The following TRIM37 variants were observed in gnomAD, a reference collection of about 807,000 sequenced individuals.
The protein encoded by TRIM37 is E3 ubiquitin-protein ligase TRIM37.
In TRIM37, 80 loss-of-function variants were observed where a neutral mutation model predicts 129.8. The ratio of observed to expected loss-of-function variants is 0.62; its 90% CI spans 0.51 to 0.74. The LOEUF (loss-of-function observed/expected upper bound fraction) is 0.74, where lower values mean the gene tolerates loss of function less well. Ranked by LOEUF, TRIM37 falls within the 30% of genes least tolerant of loss-of-function variation. The probability of loss-of-function intolerance (pLI) is 0.00; values close to 1 mark genes in which losing one functional copy is unlikely to be tolerated. For missense variants in TRIM37, 1,054 were observed against 1,176.5 expected, an observed-to-expected ratio of 0.90 and a Z score of 1.52; for synonymous variants, 389 against 387.1, an observed-to-expected ratio of 1.00 and a Z score of -0.06.
intron 22 of TRIM37, among the ~76,000 whole-genome samples, chr17:59,005,137 C>T (rs533395752): frequency 6.6e-5 from 10 of 152,158 alleles, no homozygotes; most frequent in Non-Finnish European, 1.2e-4. Flanking sequence ...CAAATTTGAC[C>T]TCTTATTAGT....
chr17:59,063,080 G>T (rs1186346419), intron 10 of TRIM37, among the ~76,000 whole-genome samples: 1 of 151,446 alleles, frequency 6.6e-6, no homozygotes. Context: ...ATACGTGTGG[G>T]AAAAACCTCA....
intron 8 of TRIM37, among the ~76,000 whole-genome samples, chr17:59,074,801 A>C (rs2042667764): frequency 6.6e-6 from 1 of 152,218 alleles, no homozygotes; most frequent in African/African-American, 2.4e-5. Flanking sequence ...TTTATGCAAC[A>C]CTACATATTT....
At chr17:59,043,722 A>G (rs2039490991) in intron 16 of TRIM37, among the ~76,000 whole-genome samples, 1 of 152,154 alleles carries the variant, frequency 6.6e-6, no homozygotes, top group African/African-American at 2.4e-5. Flanking sequence ...TCCCTGCCCC[A>G]GCTTATTCAT....
At chr17:59,065,736 A>G (rs142007003) in intron 9 of TRIM37, among the ~76,000 whole-genome samples, 1 of 152,368 alleles carries the variant, frequency 6.6e-6, no homozygotes, top group East Asian at 1.9e-4. Flanking sequence ...CTAAAGTTCA[A>G]TTCATCATAA....
rs567544356 is a variant in TRIM37 at position 59,104,195 on chromosome 17, T to C, written c.123+98A>G. The C allele has an allele frequency of 9.2e-4, 1,140 of 1,242,774 alleles. 10 individuals are homozygous for C. In the South Asian group the frequency reaches 0.011, roughly 12 times the overall value. 77.0% of individuals were successfully genotyped at this position (1,242,774 alleles called of 1,614,324 possible). A position where few individuals can be genotyped will look rare whatever the true frequency, so the allele number is the denominator to read the frequency against. ...CCAAGCACAGTGCAAGCAAGCACTTTAGGGCAAAAAATGTAAAATAAAAAG... is the reference window on the plus strand; with the variant it reads ...CCAAGCACAGTGCAAGCAAGCACTTCAGGGCAAAAAATGTAAAATAAAAAG... On this transcript the variant is annotated intron_variant, in intron 2 of 23. Transcript: ENST00000262294.
rs2043957646 is a variant in TRIM37 at position 59,088,304 on chromosome 17, T to C, written c.268A>G (p.Asn90Asp). The part of the protein sequence containing the change: ...QLCSLTKHEE[N>D]EKDKCENHHE... ...TTGAGGACATACTTGTCCTTTTCAT[T>C]TTCTTCATGTTTGGTGAGACTGCAG... Residue 90 changes from asparagine to aspartate, a missense_variant, in exon 4 of 24, where the codon AAT (asparagine) becomes GAT (aspartate). Asn to Asp is a conservative substitution (Grantham distance 23). Around this residue, in one of 3 missense-constraint regions of TRIM37, gnomAD observed 752 missense variants for 870.8 expected, o/e 0.86. Coordinates refer to ENST00000262294, the MANE Select transcript of TRIM37 (RefSeq NM_015294.6). 1 of 1,610,414 alleles carries C rather than the reference T, an allele frequency of 6.2e-7. No individual in the cohort carries two copies. The highest frequency in any genetic ancestry group is 1.1e-5 in the South Asian group (1 of 90,896).
intron 17 of TRIM37, among the ~76,000 whole-genome samples, chr17:59,032,780 A>G (rs1383990917): frequency 6.6e-6 from 1 of 152,156 alleles, no homozygotes; most frequent in Non-Finnish European, 1.5e-5. Flanking sequence ...TTCCCATAGT[A>G]TAACAGATTA....
chr17:59,055,332 CAAAAAAA>C (rs34519741), intron 13 of TRIM37, among the ~76,000 whole-genome samples: 726 of 65,654 alleles, frequency 0.011, 14 homozygotes, highest in African/African-American at 0.036. Context: ...AACTCTGTCT[CAAAAAAA>C]AAAAAAAAAA....
At chr17:59,049,978 G>A (rs1337926532) in intron 14 of TRIM37, among the ~76,000 whole-genome samples, 1 of 152,166 alleles carries the variant, frequency 6.6e-6, no homozygotes, top group Non-Finnish European at 1.5e-5. Context: ...CATTTAACAT[G>A]AAAATCTCTG....
At chr17:58,996,806 G>A (rs1227520655), downstream of TRIM37, among the ~76,000 whole-genome samples, 2 of 150,720 alleles carry the variant, frequency 1.3e-5, no homozygotes, top group African/African-American at 4.9e-5. Flanking sequence ...GTGTGTGTGT[G>A]TGTGTGTGTG....
downstream of TRIM37, chr17:58,980,710 T>C (rs762529848): frequency 1.2e-6 from 2 of 1,614,198 alleles, no homozygotes; most frequent in Non-Finnish European, 1.7e-6. This position sits in a 1 kb window ranked among gnomAD's most constrained non-coding sequence, Gnocchi z 4.7. Flanking sequence ...CTCCTGTCTG[T>C]TCAGGGTTGG....
chr17:59,016,599 CAAAAAAAAAAAAAA>C (rs57582105), intron 20 of TRIM37, among the ~76,000 whole-genome samples: 6 of 20,748 alleles, frequency 2.9e-4, no homozygotes, highest in Admixed American at 8.7e-4. Flanking sequence ...CCTGTCTCGG[CAAAAAAAAAAAAAA>C]AAAAAAAAAA....
chr17:59,104,451 A>G, intron 1 of TRIM37, 57 bp from the exon 2 acceptor site: 1 of 1,469,112 alleles, frequency 6.8e-7, no homozygotes, highest in Non-Finnish European at 9.5e-7. Flanking sequence ...TCAAGAGTAA[A>G]AGGCAAGCTC....
At chr17:59,027,861 T>C (rs925696036) in intron 19 of TRIM37, among the ~76,000 whole-genome samples, 1 of 152,156 alleles carries the variant, frequency 6.6e-6, no homozygotes, top group Non-Finnish European at 1.5e-5. Context: ...GCCATACTGG[T>C]CTTCCTTCAA....
intron 8 of TRIM37, among the ~76,000 whole-genome samples, chr17:59,071,627 G>C (rs1344647469): frequency 6.6e-6 from 1 of 151,120 alleles, no homozygotes. Context: ...TTGTATTCTA[G>C]GTGACAGAAT....
At chr17:59,103,353 T>A (rs1174166739) in intron 2 of TRIM37, among the ~76,000 whole-genome samples, 1 of 151,952 alleles carries the variant, frequency 6.6e-6, no homozygotes. Context: ...TTGTTTTTTG[T>A]TTTTTTGAGA....
intron 10 of TRIM37, 131 bp downstream of exon 10, chr17:59,064,224 G>T: frequency 1.4e-6 from 1 of 717,546 alleles, no homozygotes; most frequent in Non-Finnish European, 2.4e-6. Context: ...ATTTCTAATA[G>T]GAAACTTATT....
chr17:59,045,777 G>A (rs557303777), intron 16 of TRIM37, among the ~76,000 whole-genome samples: 1 of 152,046 alleles, frequency 6.6e-6, no homozygotes, highest in African/African-American at 2.4e-5. Context: ...CACTTTGGGA[G>A]GCTGAAGTGG....
At chr17:59,100,071 T>C (rs567907080) in intron 2 of TRIM37, among the ~76,000 whole-genome samples, 10 of 152,022 alleles carry the variant, frequency 6.6e-5, no homozygotes, top group African/African-American at 2.2e-4. Flanking sequence ...CAATCCTTTT[T>C]TTAATTTAAC....
Sources: allele counts gnomAD v4.1 joint callset (sites outside exome capture counted in the v4.1 genomes callset), GRCh38; gene constraint gnomAD v4.1.1; regional missense constraint gnomAD v4.1.1; non-coding constraint Gnocchi (gnomAD v3.1); transcripts MANE v1.5; gene names NCBI Gene and HGNC (gene_info 2026-07-23, HGNC 2026-07-21).